Variants in PCDH15 observed in about 807,000 individuals in gnomAD.
PCDH15 encodes protocadherin-15.
PCDH15 carries 129 observed loss-of-function variants against 178.5 expected under a neutral mutation model. That is an observed-to-expected ratio of 0.72 (90% CI 0.63 to 0.84). PCDH15 has a LOEUF of 0.84. Among genes scored for constraint, PCDH15 ranks in the 40% least tolerant of loss-of-function variants. The probability of loss-of-function intolerance (pLI) is 0.00; values close to 1 mark genes in which losing one functional copy is unlikely to be tolerated. For synonymous variants in PCDH15, 800 were observed against 732.0 expected (o/e 1.09, Z -1.50); for missense variants, 2,230 against 2,099.9 (o/e 1.06, Z -1.21).
chr10:55,149,341 C>G (rs1449189238), intron 2 of PCDH15, among the ~76,000 whole-genome samples: 4 of 151,452 alleles, frequency 2.6e-5, no homozygotes, highest in Admixed American at 1.3e-4. Flanking sequence ...TCAATGAAAG[C>G]CTTAAAATGT....
At chr10:55,622,090 T>C (rs938905405) in intron 2 of PCDH15, among the ~76,000 whole-genome samples, 1 of 139,604 alleles carries the variant, frequency 7.2e-6, no homozygotes, top group Non-Finnish European at 1.5e-5. Context: ...ATAAATTATA[T>C]ATAATGTATA....
chr10:54,197,213 GT>G (rs2049761176), intron 10 of PCDH15, among the ~76,000 whole-genome samples: 1 of 95,082 alleles, frequency 1.1e-5, no homozygotes, highest in African/African-American at 8.8e-5. Context: ...CTCCCATTAA[GT>G]TTAAGAAGTT....
intron 1 of PCDH15, among the ~76,000 whole-genome samples, chr10:54,665,482 G>A (rs901467180): frequency 6.6e-6 from 1 of 151,996 alleles, no homozygotes; most frequent in Non-Finnish European, 1.5e-5. Context: ...GTTTATCAGA[G>A]GGTACAAAGG....
chr10:54,490,389 G>T (rs2079475462), intron 3 of PCDH15, among the ~76,000 whole-genome samples: 1 of 152,052 alleles, frequency 6.6e-6, no homozygotes, highest in Non-Finnish European at 1.5e-5. Flanking sequence ...GGCAGAGCTT[G>T]CAGTGAGCTG....
At chr10:54,920,498 T>C (rs1347603908) in intron 2 of PCDH15, among the ~76,000 whole-genome samples, 26 of 116,096 alleles carry the variant, frequency 2.2e-4, no homozygotes, top group Non-Finnish European at 3.3e-4. Context: ...AAAAAAAATC[T>C]CCAGTGTGTG....
chr10:55,374,318 G>A (rs1845572847), intron 2 of PCDH15, among the ~76,000 whole-genome samples: 1 of 152,202 alleles, frequency 6.6e-6, no homozygotes, highest in South Asian at 2.1e-4. Flanking sequence ...CAGCTACTGG[G>A]AGAGGCCCTC....
chr10:54,010,878 G>C (rs1836672200), intron 20 of PCDH15, among the ~76,000 whole-genome samples: 1 of 152,132 alleles, frequency 6.6e-6, no homozygotes, highest in Non-Finnish European at 1.5e-5. Context: ...ACTGCTAGTG[G>C]CTTTGTGTTT....
At chr10:54,964,362 A>G (rs1205441313) in intron 2 of PCDH15, among the ~76,000 whole-genome samples, 1 of 152,202 alleles carries the variant, frequency 6.6e-6, no homozygotes, top group East Asian at 1.9e-4. Flanking sequence ...CTAAGTCCCC[A>G]AACACTTAGA....
intron 2 of PCDH15, among the ~76,000 whole-genome samples, chr10:55,393,552 A>G (rs1266943964): frequency 6.6e-6 from 1 of 152,174 alleles, no homozygotes; most frequent in Non-Finnish European, 1.5e-5. Context: ...AAGGTTAAGG[A>G]AACAAAAGTT....
intron 2 of PCDH15, among the ~76,000 whole-genome samples, chr10:55,158,188 G>A (rs1356506187): frequency 6.6e-6 from 1 of 151,520 alleles, no homozygotes; most frequent in Non-Finnish European, 1.5e-5. Flanking sequence ...ACATTTGTAT[G>A]TATACAAATT....
intron 20 of PCDH15, among the ~76,000 whole-genome samples, chr10:53,999,992 TCCAA>T (rs1242534833): frequency 6.6e-6 from 1 of 152,042 alleles, no homozygotes; most frequent in African/African-American, 2.4e-5. Flanking sequence ...TCCAGGTGGC[TCCAA>T]ACAGAGACAC....
rs75248212 is a variant in PCDH15, at chr10:53,857,282, G to A, written c.3718-19C>T. The stretch of plus-strand genomic sequence containing the variant: ...CGGAGACCTGAAAGAAGAAAAAACA[G>A]AATTCATTTAATTTTTACTCACTGA... On this transcript the variant is annotated intron_variant, in intron 27 of 37. Coordinates refer to ENST00000644397, the MANE Select transcript of PCDH15 (RefSeq NM_001384140.1). 1 of 1,582,292 alleles carries A rather than the reference G, an allele frequency of 6.3e-7. No homozygotes were observed. The highest frequency in any genetic ancestry group is 8.7e-7 in the Non-Finnish European group (1 of 1,151,780).
chr10:55,010,525 C>G (rs1486526111), intron 2 of PCDH15, among the ~76,000 whole-genome samples: 1 of 152,114 alleles, frequency 6.6e-6, no homozygotes, highest in East Asian at 1.9e-4. Flanking sequence ...CGCTGAGGCA[C>G]TGATGTGTCA....
intron 2 of PCDH15, among the ~76,000 whole-genome samples, chr10:55,505,719 G>T (rs571169776): frequency 1.3e-5 from 2 of 151,560 alleles, no homozygotes; most frequent in East Asian, 3.9e-4. Context: ...TCATCAGCAA[G>T]ACTAGCACAA....
chr10:53,856,959 G>A (rs529616538), intron 28 of PCDH15, among the ~76,000 whole-genome samples: 14 of 151,996 alleles, frequency 9.2e-5, no homozygotes, highest in African/African-American at 1.4e-4. Context: ...AAGGAGGGAG[G>A]ATGGGAGGGG....
chr10:54,363,246 T>C (rs1946322506), intron 5 of PCDH15, among the ~76,000 whole-genome samples: 1 of 152,180 alleles, frequency 6.6e-6, no homozygotes, highest in African/African-American at 2.4e-5. Context: ...TTGTTGCAGA[T>C]AAGTGGTATA....
At chr10:54,652,115 G>T (rs1205596079) in intron 2 of PCDH15, among the ~76,000 whole-genome samples, 1 of 152,254 alleles carries the variant, frequency 6.6e-6, no homozygotes, top group South Asian at 2.1e-4. Flanking sequence ...ATATTCCCTT[G>T]TACTGCCCCA....
intron 1 of PCDH15, among the ~76,000 whole-genome samples, chr10:55,315,959 T>C (rs765663245): frequency 6.6e-5 from 10 of 152,206 alleles, no homozygotes; most frequent in Non-Finnish European, 8.8e-5. Flanking sequence ...GAGGTTGCAG[T>C]GAGCCTAGAC....
intron 2 of PCDH15, among the ~76,000 whole-genome samples, chr10:54,943,037 A>G (rs754553060): frequency 3.9e-5 from 6 of 152,032 alleles, no homozygotes; most frequent in Non-Finnish European, 5.9e-5. Flanking sequence ...ATTGTCAGAT[A>G]CTATATTAGT....
Sources: allele counts gnomAD v4.1 joint callset (sites outside exome capture counted in the v4.1 genomes callset), GRCh38; gene constraint gnomAD v4.1.1; transcripts MANE v1.5; gene names NCBI Gene and HGNC (gene_info 2026-07-23, HGNC 2026-07-21).